Variants in MB21D2 observed in about 807,000 individuals in gnomAD.
MB21D2 encodes the protein Mab-21 domain containing 2.
MB21D2 carries 9 observed loss-of-function variants against 33.3 expected under a neutral mutation model. The observed-to-expected ratio is 0.27, with a 90% CI of 0.16 to 0.47. The LOEUF is 0.47. Ranked by LOEUF, MB21D2 falls within the 20% of genes least tolerant of loss-of-function variation. The pLI, the probability that MB21D2 is intolerant of heterozygous loss-of-function variation, is 0.99. For synonymous variants in MB21D2, 241 were observed against 236.3 expected (o/e 1.02, Z -0.18); for missense variants, 540 against 624.6 (o/e 0.86, Z 1.44).
chr3:192,895,927 C>CAA (rs1713962652), intron 1 of MB21D2, among the ~76,000 whole-genome samples: 1 of 152,112 alleles, frequency 6.6e-6, no homozygotes, highest in Non-Finnish European at 1.5e-5. Context: ...ATTCTTTGCA[C>CAA]AAAGAATCAC....
chr3:192,865,359 T>C (rs1713147030), intron 1 of MB21D2, among the ~76,000 whole-genome samples: 1 of 152,196 alleles, frequency 6.6e-6, no homozygotes, highest in African/African-American at 2.4e-5. Flanking sequence ...CAGGATGCTG[T>C]CACCTTTCAT....
chr3:192,912,479 G>A (rs889773801), intron 1 of MB21D2, among the ~76,000 whole-genome samples: 23 of 151,292 alleles, frequency 1.5e-4, no homozygotes, highest in Admixed American at 2.6e-4. Flanking sequence ...GACCAGCCTT[G>A]GCCAACAACA....
intron 1 of MB21D2, among the ~76,000 whole-genome samples, chr3:192,890,868 G>A (rs1055279992): frequency 8.5e-5 from 13 of 152,050 alleles, no homozygotes; most frequent in African/African-American, 3.1e-4. Context: ...TCCACGCAGA[G>A]ACATGGGGAG....
At chr3:192,872,406 C>T (rs1291670922) in intron 1 of MB21D2, among the ~76,000 whole-genome samples, 6 of 151,942 alleles carry the variant, frequency 3.9e-5, no homozygotes, top group African/African-American at 1.2e-4. Context: ...GAAAACCCGT[C>T]TCTACTAAAA....
chr3:192,801,810 A>G (rs1251455683), intron 1 of MB21D2, among the ~76,000 whole-genome samples: 1 of 152,222 alleles, frequency 6.6e-6, no homozygotes, highest in Non-Finnish European at 1.5e-5. Flanking sequence ...ATTATACTTT[A>G]AAATTTAACG....
At chr3:192,900,314 G>GAC (rs1714068462) in intron 1 of MB21D2, among the ~76,000 whole-genome samples, 1 of 144,896 alleles carries the variant, frequency 6.9e-6, no homozygotes, top group Non-Finnish European at 1.5e-5. Flanking sequence ...AAAAATCACA[G>GAC]AAAGTGTTGA....
intron 1 of MB21D2, among the ~76,000 whole-genome samples, chr3:192,897,683 C>G (rs552730536): frequency 4.3e-4 from 65 of 152,232 alleles, no homozygotes; most frequent in African/African-American, 1.3e-3. Context: ...AGTTCCAAAT[C>G]TGACGTATGT....
intron 1 of MB21D2, among the ~76,000 whole-genome samples, chr3:192,884,602 C>T (rs568173679): frequency 9.2e-5 from 14 of 151,996 alleles, no homozygotes; most frequent in South Asian, 6.2e-4. Flanking sequence ...CTCCTGACCT[C>T]GTGATCTGCC....
At chr3:192,813,904 T>A (rs1711849830) in intron 1 of MB21D2, among the ~76,000 whole-genome samples, 1 of 152,216 alleles carries the variant, frequency 6.6e-6, no homozygotes. Flanking sequence ...ATTCCCTTCT[T>A]TCCTTACCTA....
At chr3:192,851,511 T>TTTTTTTTTG (rs368434734) in intron 1 of MB21D2, among the ~76,000 whole-genome samples, 1 of 143,844 alleles carries the variant, frequency 7.0e-6, no homozygotes, top group African/African-American at 2.8e-5. Flanking sequence ...TTTTTTTTTT[T>TTTTTTTTTG]GGAGATGGAG....
chr3:192,805,808 C>T (rs1178007560), intron 1 of MB21D2, among the ~76,000 whole-genome samples: 4 of 152,326 alleles, frequency 2.6e-5, no homozygotes, highest in South Asian at 2.1e-4. Context: ...AGTGTCTAAG[C>T]GCATCGTAGA....
chr3:192,859,230 C>G (rs1409008501), intron 1 of MB21D2, among the ~76,000 whole-genome samples: 1 of 152,124 alleles, frequency 6.6e-6, no homozygotes, highest in Non-Finnish European at 1.5e-5. Flanking sequence ...AATATTCACT[C>G]CAAAATAATG....
intron 1 of MB21D2, among the ~76,000 whole-genome samples, chr3:192,913,614 A>G (rs925126467): frequency 6.6e-6 from 1 of 152,132 alleles, no homozygotes; most frequent in Non-Finnish European, 1.5e-5. Flanking sequence ...ACTTGAGGCC[A>G]GGATTTTGAG....
rs924949840 is a variant in MB21D2 at position 192,827,099 on chromosome 3, T to C, written c.212-27449A>G. ...TTTTAGTAGAGACGGGGTTTCACCA[T>C]GTTAGCCAGGATGGTCTCGATCTCC... On this transcript the variant is annotated intron_variant, in intron 1 of 1. Coordinates refer to ENST00000392452, the MANE Select transcript of MB21D2 (RefSeq NM_178496.4). 1.7e-4 allele frequency among the ~76,000 whole-genome samples: 26 copies of C among 152,188 alleles called. No homozygotes were observed. The East Asian group carries it at 3.1e-3, about 18-fold the overall frequency.
chr3:192,815,659 G>A (rs1711905276), intron 1 of MB21D2, among the ~76,000 whole-genome samples: 1 of 152,134 alleles, frequency 6.6e-6, no homozygotes, highest in Non-Finnish European at 1.5e-5. Context: ...GCGGGCTTTT[G>A]GAAACATGAT....
intron 1 of MB21D2, among the ~76,000 whole-genome samples, chr3:192,843,475 C>G (rs1181468812): frequency 1.3e-5 from 2 of 152,042 alleles, no homozygotes; most frequent in East Asian, 3.9e-4. Context: ...GTGCTGGGAC[C>G]ACAGAGATGC....
intron 1 of MB21D2, among the ~76,000 whole-genome samples, chr3:192,891,417 G>T (rs943078291): frequency 1.2e-4 from 19 of 152,138 alleles, no homozygotes; most frequent in Admixed American, 3.3e-4. Context: ...ACAAGAGCAG[G>T]AAAAGCTGGT....
intron 1 of MB21D2, among the ~76,000 whole-genome samples, chr3:192,867,629 G>A (rs1713197795): frequency 6.6e-6 from 1 of 152,118 alleles, no homozygotes; most frequent in Admixed American, 6.6e-5. Context: ...AAGGTTATGT[G>A]ACTAGATGGT....
chr3:192,913,163 A>G (rs181813464), intron 1 of MB21D2, among the ~76,000 whole-genome samples: 105 of 152,296 alleles, frequency 6.9e-4, no homozygotes, highest in African/African-American at 2.5e-3. Context: ...TGGGAGGTCA[A>G]AGCAGGAGGA....
Sources: allele counts gnomAD v4.1 joint callset (sites outside exome capture counted in the v4.1 genomes callset), GRCh38; gene constraint gnomAD v4.1.1; transcripts MANE v1.5; gene names NCBI Gene and HGNC (gene_info 2026-07-23, HGNC 2026-07-21).